The following DLEC1 variants were observed in gnomAD, a reference collection of about 807,000 sequenced individuals.
The protein encoded by DLEC1 is deleted in lung and esophageal cancer protein 1.
Under a neutral mutation model 198.1 loss-of-function variants are expected in DLEC1, and 146 were observed. That is an observed-to-expected ratio of 0.74 (90% CI 0.64 to 0.85). DLEC1 has a LOEUF of 0.85. DLEC1 is among the 40% of genes least tolerant of loss of function. DLEC1 has a pLI of 0.00. For synonymous variants in DLEC1, 897 were observed against 866.8 expected (o/e 1.03, Z -0.61); for missense variants, 2,233 against 2,220.0 (o/e 1.01, Z -0.12).
At position 38,093,538 on chromosome 3, in the gene DLEC1, G is replaced by A. The variant is rs1698849553; in HGVS notation, c.1757-67G>A. On this transcript the variant is annotated intron_variant, in intron 11 of 36. Coordinates refer to ENST00000308059, the MANE Select transcript of DLEC1 (RefSeq NM_007335.4). ...GCATGTGGATGGCGGCATGGGTCCT[G>A]CAGCAGCCTTGGCCTGATTTCAGCC... 8 of 1,591,458 alleles carry A rather than the reference G, an allele frequency of 5.0e-6. No homozygotes were observed. In the Admixed American group the frequency reaches 8.4e-5, roughly 17 times the overall value.
chr3:38,117,756 A>G (rs377544369), intron 32 of DLEC1, 50 bp from the exon 33 acceptor site: 3 of 955,446 alleles, frequency 3.1e-6, no homozygotes, highest in Non-Finnish European at 4.8e-6. Flanking sequence ...CATGGGGTTG[A>G]AGAGAGAGAC....
rs542228096 is a variant in DLEC1 at position 38,059,375 on chromosome 3, A to T, written c.563-367A>T. 9.8e-5 allele frequency among the ~76,000 whole-genome samples: 15 copies of T among 152,376 alleles called. No individual in the cohort carries two copies. The South Asian group carries it at 3.1e-3, about 32-fold the overall frequency. ...GTCACATGGCCACAGTCAGGAGTGA[A>T]GAAGTGCACTGTCTCTAGTAGCAGG... On this transcript the variant is annotated intron_variant, in intron 2 of 36. Transcript: ENST00000308059.
At chr3:38,085,146 G>T (rs557995396) in intron 7 of DLEC1, 128 bp from the exon 8 acceptor site, 6 of 987,758 alleles carry the variant, frequency 6.1e-6, no homozygotes, top group Non-Finnish European at 9.4e-6. Context: ...CCTGCCATCA[G>T]CGTGGCTTTG....
At position 38,039,219 on chromosome 3, in the gene DLEC1, G is replaced by C; in HGVS notation, c.-7G>C. On this transcript the variant is annotated 5_prime_UTR_variant, in exon 1 of 37. Transcript: ENST00000308059. ...TGCCGCAGGGAGTTAGCGGCGTCTCGGTTGCCATGGAGACCAGGAGCTCCA... is the reference window on the plus strand; with the variant it reads ...TGCCGCAGGGAGTTAGCGGCGTCTCCGTTGCCATGGAGACCAGGAGCTCCA... 6.3e-7 allele frequency: 1 copy of C among 1,589,508 alleles called. No homozygotes were observed. The highest frequency in any genetic ancestry group is 8.6e-7 in the Non-Finnish European group (1 of 1,165,866).
rs1190209380 is a variant in DLEC1 at position 38,041,033 on chromosome 3, A to G, written c.411+1397A>G. ...TTATTTATTTATTTATTTATTTGAG[A>G]TGGAGTCTCACTCTGTCACCCAGGC... On this transcript the variant is annotated intron_variant, in intron 1 of 36. Transcript: ENST00000308059. Among the ~76,000 whole-genome samples the G allele has an allele frequency of 1.1e-4, 17 of 149,758 alleles. No homozygotes were observed. The South Asian group carries it at 3.4e-3, about 30-fold the overall frequency.
In DLEC1 at chr3:38,093,592, T is replaced by G; in HGVS notation, c.1757-13T>G. 6.2e-7 allele frequency: 1 copy of G among 1,614,140 alleles called. No homozygotes were observed. The highest frequency in any genetic ancestry group is 8.5e-7 in the Non-Finnish European group (1 of 1,180,002). On this transcript the variant is annotated splice_polypyrimidine_tract_variant and intron_variant, in intron 11 of 36. Transcript: ENST00000308059. ...GTGAGCCTTCACTGACTTCACTTAC[T>G]CTACTTTGGCAGGAATTGGGCAGCT... is the stretch of plus-strand genomic sequence containing the variant.
rs1700164243 is a variant in DLEC1, at chr3:38,116,450, C to T, written c.3857-3C>T. On this transcript the variant is annotated splice_region_variant and splice_polypyrimidine_tract_variant and intron_variant, in intron 27 of 36. Transcript: ENST00000308059. ...CTCACCCTGCTCCACACATCTGCCC[C>T]AGACATCCGCCTGGATTGGGAGACC... is the stretch of plus-strand genomic sequence containing the variant. 1.2e-6 allele frequency: 2 copies of T among 1,614,016 alleles called. No individual in the cohort carries two copies. The highest frequency in any genetic ancestry group is 1.7e-6 in the Non-Finnish European group (2 of 1,179,960).
At chr3:38,052,242 G>T in intron 2 of DLEC1, 2 of 477,210 alleles carry the variant, frequency 4.2e-6, no homozygotes, top group South Asian at 3.7e-5. Flanking sequence ...AGTACCTGAT[G>T]ACCAGAGACT....
intron 19 of DLEC1, among the ~76,000 whole-genome samples, chr3:38,101,895 C>T (rs1370170581): frequency 6.6e-6 from 1 of 152,146 alleles, no homozygotes; most frequent in African/African-American, 2.4e-5. Flanking sequence ...TATTTCCTTT[C>T]CTTTTCTGTC....
At position 38,039,496 on chromosome 3, in the gene DLEC1, G is replaced by A. The variant is rs1575368088; in HGVS notation, c.271G>A (p.Asp91Asn). Residue 91 changes from aspartate to asparagine, a missense_variant, in exon 1 of 37, where the codon GAT (aspartate) becomes AAT (asparagine). By Grantham distance (23) the Asp-to-Asn change is conservative. Transcript: ENST00000308059. Reference protein sequence around the residue: ...RLRPSSLRTQDISHLLTGVFR... With the variant: ...RLRPSSLRTQNISHLLTGVFR... ...GCGCCCCTCCTCGCTGCGCACCCAA[G>A]ATATCTCGCACTTGCTCACCGGCGT... 6.2e-7 allele frequency: 1 copy of A among 1,614,070 alleles called. No individual in the cohort carries two copies. Among genetic ancestry groups the A allele is most frequent in the Non-Finnish European group, 8.5e-7 (1 of 1,179,912 alleles).
rs1700170886 is a variant in DLEC1 at position 38,116,523 on chromosome 3, T to C, written c.3927T>C (p.Phe1309=). The change falls in exon 28 of 37, where the codon TTT becomes TTC. Residue 1309 remains phenylalanine (F), a synonymous_variant. Coordinates refer to ENST00000308059, the MANE Select transcript of DLEC1 (RefSeq NM_007335.4). Reference sequence around the variant, plus strand: ...ACCGGCTGGTGGAGCTGCTGGTGTTTTATGGGCCACCTTTCCCGCTGCGGG... The same window carrying C: ...ACCGGCTGGTGGAGCTGCTGGTGTTCTATGGGCCACCTTTCCCGCTGCGGG... ...KEDRLVELLV[F]YGPPFPLRDQ... is the part of the protein sequence containing the mutation. The C allele has an allele frequency of 6.2e-7, 1 of 1,614,100 alleles. No homozygotes were observed.
intron 6 of DLEC1, among the ~76,000 whole-genome samples, chr3:38,067,658 C>G (rs1258147568): frequency 6.6e-6 from 1 of 152,066 alleles, no homozygotes; most frequent in Non-Finnish European, 1.5e-5. Flanking sequence ...AATGTCTACA[C>G]CACATAGCTT....
chr3:38,110,816 A>T (rs566458270), intron 23 of DLEC1, among the ~76,000 whole-genome samples: 101 of 150,056 alleles, frequency 6.7e-4, no homozygotes, highest in African/African-American at 2.4e-3. Context: ...ACATGCATAC[A>T]CACATACATA....
chr3:38,084,351 G>A (rs997386344), intron 7 of DLEC1, 106 bp downstream of exon 7: 246 of 1,029,968 alleles, frequency 2.4e-4, no homozygotes, highest in Non-Finnish European at 3.4e-4. Context: ...GATAGTAGTA[G>A]TGGTGGTGGT....
At chr3:38,084,564 G>T (rs948756731) in intron 7 of DLEC1, among the ~76,000 whole-genome samples, 80 of 127,162 alleles carry the variant, frequency 6.3e-4, no homozygotes, top group African/African-American at 2.4e-3. Context: ...AGTAGTAGTG[G>T]TAGTAGTAGT....
intron 9 of DLEC1, 31 bp from the exon 10 acceptor site, chr3:38,088,265 C>G (rs1698565958): frequency 1.3e-6 from 2 of 1,584,766 alleles, no homozygotes; most frequent in East Asian, 2.2e-5. Context: ...CAATGTCTTC[C>G]ACACTGTTGG....
At chr3:38,088,197 C>A in intron 9 of DLEC1, 99 bp from the exon 10 acceptor site, 2 of 1,080,848 alleles carry the variant, frequency 1.9e-6, no homozygotes, top group Admixed American at 2.0e-5. Context: ...TAAGTTCCTT[C>A]ACATTGCAAA....
intron 27 of DLEC1, 120 bp downstream of exon 27, chr3:38,115,173 G>T: frequency 9.3e-7 from 1 of 1,069,626 alleles, no homozygotes; most frequent in East Asian, 2.5e-5. Flanking sequence ...AGGTGTCCAG[G>T]GGGCCTGTGG....
intron 33 of DLEC1, among the ~76,000 whole-genome samples, chr3:38,118,736 CTCG>C (rs1700311642): frequency 6.6e-6 from 1 of 152,118 alleles, no homozygotes; most frequent in African/African-American, 2.4e-5. Flanking sequence ...CTTTCTTCTT[CTCG>C]GAGGGCTTCC....
Sources: gnomAD v4.1 joint callset for allele counts (sites outside exome capture counted in the v4.1 genomes callset) on GRCh38, gnomAD v4.1.1 for gene constraint, MANE v1.5 for transcripts, NCBI Gene and HGNC (gene_info 2026-07-23, HGNC 2026-07-21) for gene names.